ATE1: variants seen among roughly 807,000 people sequenced by gnomAD.
ATE1 encodes arginyltransferase 1, also known as arginyl-tRNA--protein transferase 1.
Under a neutral mutation model 70.5 loss-of-function variants are expected in ATE1, and 36 were observed. The observed-to-expected ratio is 0.51, with a 90% confidence interval of 0.39 to 0.67. ATE1 has a LOEUF of 0.67. Ranked by LOEUF, ATE1 falls within the 30% of genes least tolerant of loss-of-function variation. The probability of loss-of-function intolerance (pLI) is 0.00; values close to 1 mark genes in which losing one functional copy is unlikely to be tolerated. For missense variants in ATE1, 593 were observed against 629.5 expected (o/e 0.94, Z 0.62); for synonymous variants, 232 against 219.3 (o/e 1.06, Z -0.51).
At chr10:121,758,895 T>C (rs7917423) in intron 11 of ATE1, among the ~76,000 whole-genome samples, 16,971 of 152,180 alleles carry the variant, frequency 0.11, 1,066 homozygotes, top group Admixed American at 0.18. Context: ...ACTTAATTGA[T>C]AAATGCTGTG....
intron 8 of ATE1, among the ~76,000 whole-genome samples, chr10:121,846,312 G>C (rs761416361): frequency 1.3e-5 from 2 of 152,140 alleles, no homozygotes; most frequent in Non-Finnish European, 2.9e-5. Context: ...TGATATATAT[G>C]ATTGAATAAA....
intron 11 of ATE1, among the ~76,000 whole-genome samples, chr10:121,767,752 G>A (rs1945334867): frequency 6.6e-6 from 1 of 152,150 alleles, no homozygotes; most frequent in South Asian, 2.1e-4. Flanking sequence ...GTGTTGGTGA[G>A]GATATGGAGA....
intron 10 of ATE1, among the ~76,000 whole-genome samples, chr10:121,820,121 G>A (rs866421561): frequency 6.6e-6 from 1 of 152,132 alleles, no homozygotes; most frequent in Middle Eastern, 3.4e-3. Flanking sequence ...CAGCCTGGGT[G>A]ACAGAGTAAG....
chr10:121,755,141 A>G (rs969667157), intron 11 of ATE1, among the ~76,000 whole-genome samples: 8 of 152,250 alleles, frequency 5.3e-5, no homozygotes, highest in African/African-American at 1.9e-4. Context: ...GAAAAGTAAC[A>G]TAGGCTTGTG....
chr10:121,869,002 T>C (rs543425319), intron 8 of ATE1, among the ~76,000 whole-genome samples: 1 of 152,272 alleles, frequency 6.6e-6, no homozygotes, highest in African/African-American at 2.4e-5. Flanking sequence ...TTGAAGAAGT[T>C]GGGAAAGCAT....
At chr10:121,848,133 G>A (rs1033059077) in intron 8 of ATE1, among the ~76,000 whole-genome samples, 1 of 152,086 alleles carries the variant, frequency 6.6e-6, no homozygotes, top group African/African-American at 2.4e-5. Flanking sequence ...ACTGAGAAAA[G>A]CTGTCAGTTT....
At chr10:121,756,272 C>G (rs145152876) in intron 11 of ATE1, among the ~76,000 whole-genome samples, 2 of 152,206 alleles carry the variant, frequency 1.3e-5, no homozygotes, top group Non-Finnish European at 2.9e-5. Flanking sequence ...TGGTCTTGGG[C>G]AGCTCCGCCC....
intron 11 of ATE1, among the ~76,000 whole-genome samples, chr10:121,787,099 A>G (rs1946247129): frequency 6.6e-6 from 1 of 152,188 alleles, no homozygotes. Context: ...TATATACAAA[A>G]GGATAGGGGG....
chr10:121,852,093 C>A (rs1400650294), intron 8 of ATE1, among the ~76,000 whole-genome samples: 1 of 152,204 alleles, frequency 6.6e-6, no homozygotes, highest in African/African-American at 2.4e-5. Context: ...GAACAGGAGA[C>A]TGGAGAGTCA....
chr10:121,891,722 G>T (rs982734997), intron 7 of ATE1, among the ~76,000 whole-genome samples: 3 of 152,148 alleles, frequency 2.0e-5, no homozygotes, highest in African/African-American at 7.2e-5. Flanking sequence ...GTATTTAAAT[G>T]ATTATTTTAC....
chr10:121,859,714 G>A (rs970451943), intron 8 of ATE1, among the ~76,000 whole-genome samples: 55 of 152,008 alleles, frequency 3.6e-4, no homozygotes, highest in African/African-American at 1.3e-3. Flanking sequence ...GGCCAAGGTG[G>A]GTGGATCACT....
At chr10:121,859,460 T>G (rs1465208575) in intron 8 of ATE1, among the ~76,000 whole-genome samples, 1 of 151,610 alleles carries the variant, frequency 6.6e-6, no homozygotes, top group East Asian at 2.0e-4. Flanking sequence ...GTTTCACCGT[T>G]TTAGCCGGGA....
intron 1 of ATE1, among the ~76,000 whole-genome samples, chr10:121,925,200 C>T (rs934054595): frequency 1.3e-5 from 2 of 152,144 alleles, no homozygotes; most frequent in African/African-American, 4.8e-5. Context: ...ATGGGCAGAT[C>T]ATCTGAGGTC....
intron 11 of ATE1, among the ~76,000 whole-genome samples, chr10:121,752,351 C>G (rs1944621607): frequency 4.0e-5 from 6 of 151,082 alleles, no homozygotes. Flanking sequence ...CTGCCTCAGC[C>G]TCCCGAGTAG....
chr10:121,759,640 C>T (rs750114995), intron 11 of ATE1, among the ~76,000 whole-genome samples: 2 of 150,114 alleles, frequency 1.3e-5, no homozygotes, highest in Admixed American at 6.7e-5. Context: ...AGGAGACTGG[C>T]GTGAACCCAG....
intron 9 of ATE1, among the ~76,000 whole-genome samples, chr10:121,840,322 TA>T (rs1254499140): frequency 1.3e-5 from 2 of 152,122 alleles, no homozygotes; most frequent in Non-Finnish European, 2.9e-5. Flanking sequence ...CGCATTAACT[TA>T]ACGTTTAATT....
In ATE1 at chr10:121,860,808, G is replaced by A. The variant is rs532680120; in HGVS notation, c.975+9198C>T. The stretch of plus-strand genomic sequence containing the variant: ...CAAAAAGGCTAAGTAACAGAATCCC[G>A]AACTTCTCAATTCTACAGGTCAGTG... On this transcript the variant is annotated intron_variant, in intron 8 of 11. Transcript: ENST00000224652. 3.9e-5 allele frequency among the ~76,000 whole-genome samples: 6 copies of A among 152,240 alleles called. 1 individual carries two copies. The highest frequency in any genetic ancestry group is 4.1e-4 in the South Asian group (2 of 4,826).
chr10:121,834,356 G>C (rs1337297946), intron 10 of ATE1, among the ~76,000 whole-genome samples: 4 of 152,148 alleles, frequency 2.6e-5, no homozygotes, highest in Non-Finnish European at 5.9e-5. Flanking sequence ...AGTAGGATCT[G>C]AATAAACATT....
At chr10:121,862,711 T>C (rs956390760) in intron 8 of ATE1, among the ~76,000 whole-genome samples, 1 of 151,500 alleles carries the variant, frequency 6.6e-6, no homozygotes, top group African/African-American at 2.4e-5. Flanking sequence ...ACTACTGAGG[T>C]AGGAAACCTG....
Sources: allele counts gnomAD v4.1 joint callset (sites outside exome capture counted in the v4.1 genomes callset), GRCh38; gene constraint gnomAD v4.1.1; transcripts MANE v1.5; gene names NCBI Gene and HGNC (gene_info 2026-07-23, HGNC 2026-07-21).